Variants in PDLIM5 observed in about 807,000 individuals in gnomAD.
The protein encoded by PDLIM5 is PDZ and LIM domain 5.
A neutral mutation model predicts 64.2 loss-of-function variants in PDLIM5; 34 were observed. The ratio of observed to expected loss-of-function variants is 0.53; its 90% confidence interval spans 0.40 to 0.71. PDLIM5 has a LOEUF of 0.71. Among genes scored for constraint, PDLIM5 ranks in the 30% least tolerant of loss-of-function variants. PDLIM5 has a pLI of 0.00. For synonymous variants in PDLIM5, 253 were observed against 269.1 expected (o/e 0.94, Z 0.59); for missense variants, 683 against 733.6 (o/e 0.93, Z 0.80).
At chr4:94,506,688 T>C (rs1728424549) in intron 2 of PDLIM5, among the ~76,000 whole-genome samples, 1 of 152,206 alleles carries the variant, frequency 6.6e-6, no homozygotes, top group African/African-American at 2.4e-5. Flanking sequence ...ATTCTGTCCC[T>C]GTGTGATGGT....
intron 7 of PDLIM5, among the ~76,000 whole-genome samples, chr4:94,599,940 A>G (rs1229555532): frequency 6.6e-6 from 1 of 152,212 alleles, no homozygotes; most frequent in African/African-American, 2.4e-5. Flanking sequence ...AAGGTATAGT[A>G]AAACAGTAAT....
Position 94,579,588 on chromosome 4 carries a change from A to C in PDLIM5, c.710+3554A>C. ...AAATATGGTGATTTATATATGAGTA[A>C]ACAGCATGAATGCCTGATTTTTGCA... On this transcript the variant is annotated intron_variant, in intron 5 of 12. Coordinates refer to ENST00000317968, the MANE Select transcript of PDLIM5 (RefSeq NM_006457.5). The C allele has an allele frequency of 9.2e-6, 9 of 980,206 alleles. No individual in the cohort carries two copies. In the South Asian group the frequency reaches 1.8e-4, roughly 19 times the overall value. 60.7% of individuals were successfully genotyped at this position (980,206 alleles called of 1,614,324 possible).
chr4:94,576,055 C>G, intron 5 of PDLIM5, 21 bp downstream of exon 5: 13 of 1,586,700 alleles, frequency 8.2e-6, no homozygotes, highest in Non-Finnish European at 1.1e-5. Flanking sequence ...AAGGTGCTTT[C>G]TGCTCTTACT....
At chr4:94,465,214 AAT>A (rs1482383943) in intron 2 of PDLIM5, among the ~76,000 whole-genome samples, 1 of 152,022 alleles carries the variant, frequency 6.6e-6, no homozygotes, top group African/African-American at 2.4e-5. Context: ...TGCTCTCTGA[AAT>A]GTTTGACTAT....
In PDLIM5 at chr4:94,651,929, T is replaced by C. The variant is rs1305315026; in HGVS notation, c.1284-2531T>C. 3.3e-5 allele frequency among the ~76,000 whole-genome samples: 5 copies of C among 152,206 alleles called. No individual in the cohort carries two copies. The East Asian group carries it at 7.7e-4, about 23-fold the overall frequency. ...GCACCGTTCATAAAAGGAATAATCC[T>C]GCGGGGTGCAGCAGGCCCAATATGC... is the stretch of plus-strand genomic sequence containing the variant. On this transcript the variant is annotated intron_variant, in intron 9 of 12. Transcript: ENST00000317968.
chr4:94,585,020 A>T, intron 5 of PDLIM5: 1 of 1,271,712 alleles, frequency 7.9e-7, no homozygotes, highest in South Asian at 1.3e-5. Context: ...TTTCTGTTGA[A>T]TACATTCTAA....
At chr4:94,639,249 G>A (rs1740812212) in intron 8 of PDLIM5, among the ~76,000 whole-genome samples, 2 of 152,154 alleles carry the variant, frequency 1.3e-5, no homozygotes, top group African/African-American at 4.8e-5. Context: ...TGTAAGATGA[G>A]GTTGTGGGGC....
chr4:94,523,502 GT>G, intron 2 of PDLIM5, among the ~76,000 whole-genome samples: 1 of 150,742 alleles, frequency 6.6e-6, no homozygotes, highest in East Asian at 1.9e-4. Context: ...AGAAAATTCA[GT>G]TTTTTTTTAT....
intron 2 of PDLIM5, among the ~76,000 whole-genome samples, chr4:94,513,731 A>G (rs1729102769): frequency 6.6e-6 from 1 of 151,998 alleles, no homozygotes; most frequent in Non-Finnish European, 1.5e-5. Flanking sequence ...TGTTTGTTTG[A>G]TTGTTCTAGC....
At chr4:94,654,722 C>G in intron 10 of PDLIM5, 82 bp downstream of exon 10, 1 of 895,664 alleles carries the variant, frequency 1.1e-6, no homozygotes, top group Non-Finnish European at 1.8e-6. Flanking sequence ...ATCACTTTAA[C>G]TTTTTATTTT....
At chr4:94,481,971 G>T (rs1725899483) in intron 2 of PDLIM5, among the ~76,000 whole-genome samples, 2 of 151,986 alleles carry the variant, frequency 1.3e-5, no homozygotes, top group Non-Finnish European at 2.9e-5. Context: ...GTAATGCCTT[G>T]TCTGTGCTGG....
intron 2 of PDLIM5, among the ~76,000 whole-genome samples, chr4:94,479,091 A>G (rs1725613551): frequency 6.7e-6 from 1 of 150,262 alleles, no homozygotes. Flanking sequence ...TAAAGACAGG[A>G]TTCTCACCAT....
chr4:94,573,305 A>T, intron 3 of PDLIM5, 46 bp from the exon 4 acceptor site: 1 of 1,519,224 alleles, frequency 6.6e-7, no homozygotes, highest in South Asian at 1.2e-5. Context: ...GCAAGTTTAT[A>T]AAAATTCATT....
In PDLIM5 at chr4:94,640,562, A is replaced by G. The variant is rs878929510; in HGVS notation, c.1283+112A>G. The G allele has an allele frequency of 2.4e-5, 16 of 661,114 alleles. No homozygotes were observed. The South Asian group carries it at 2.8e-4, about 11-fold the overall frequency. 41.0% of individuals were successfully genotyped at this position (661,114 alleles called of 1,614,324 possible). On this transcript the variant is annotated intron_variant, in intron 9 of 12. Transcript: ENST00000317968. ...TGTAATTAGTGAAAATATTCTTGCC[A>G]TAATCCTATAGAGTACTAATTATTG...
At chr4:94,494,832 T>C (rs1378598821) in intron 2 of PDLIM5, among the ~76,000 whole-genome samples, 1 of 151,186 alleles carries the variant, frequency 6.6e-6, no homozygotes, top group Non-Finnish European at 1.5e-5. Context: ...CACTGCAATC[T>C]CCGCTTCCCT....
At chr4:94,628,388 A>T (rs550830598) in intron 8 of PDLIM5, among the ~76,000 whole-genome samples, 26 of 152,324 alleles carry the variant, frequency 1.7e-4, no homozygotes, top group Middle Eastern at 3.4e-3. Context: ...AATGACTTTA[A>T]TTGAGAGATA....
chr4:94,470,222 C>G (rs921672483), intron 2 of PDLIM5, among the ~76,000 whole-genome samples: 1 of 152,072 alleles, frequency 6.6e-6, no homozygotes, highest in Admixed American at 6.6e-5. Context: ...GCTCGGCCTC[C>G]CAAAGTGCTG....
At chr4:94,465,637 C>G (rs1331005718) in intron 2 of PDLIM5, among the ~76,000 whole-genome samples, 2 of 152,112 alleles carry the variant, frequency 1.3e-5, no homozygotes, top group Non-Finnish European at 2.9e-5. Context: ...TCTCAAACCC[C>G]TGACTCCCGC....
chr4:94,514,258 C>A (rs1729166980), intron 2 of PDLIM5, among the ~76,000 whole-genome samples: 1 of 151,764 alleles, frequency 6.6e-6, no homozygotes, highest in African/African-American at 2.4e-5. Context: ...TCTCAGCCTC[C>A]CAAGTAGCTG....
Sources: allele counts gnomAD v4.1 joint callset (sites outside exome capture counted in the v4.1 genomes callset), GRCh38; gene constraint gnomAD v4.1.1; transcripts MANE v1.5; gene names NCBI Gene and HGNC (gene_info 2026-07-23, HGNC 2026-07-21).